The following DMPK variants were observed in gnomAD, a reference collection of about 807,000 sequenced individuals.
DMPK encodes myotonin-protein kinase.
A neutral mutation model predicts 70.3 loss-of-function variants in DMPK; 32 were observed. That is an observed-to-expected ratio of 0.46 (90% confidence interval 0.34 to 0.61). DMPK has a LOEUF of 0.61. Ranked by LOEUF, DMPK falls within the 20% of genes least tolerant of loss-of-function variation. The pLI, the probability that DMPK is intolerant of heterozygous loss-of-function variation, is 0.01. For missense variants in DMPK, 899 were observed against 886.0 expected (o/e 1.01, Z -0.19); for synonymous variants, 469 against 390.9 (o/e 1.20, Z -2.36).
chr19:45,770,283 C>G lies in DMPK; in HGVS notation c.*205G>C. The G allele has an allele frequency of 1.2e-6, 1 of 863,306 alleles. No individual in the cohort carries two copies. The allele number at this position is 863,306 out of a possible 1,614,324, so 53.5% of individuals were successfully genotyped here. ...GCAGCAGCATTCCCGGCTACAAGGA[C>G]CCTTCGAGCCCCGTTCGCCGGCCGC... On this transcript the variant is annotated 3_prime_UTR_variant, in exon 15 of 15. Transcript: ENST00000291270.
Position 45,769,878 on chromosome 19 carries a change from T to G in DMPK, c.*610A>C. On this transcript the variant is annotated 3_prime_UTR_variant, in exon 15 of 15. Transcript: ENST00000291270. ...CCTGTCAGCGAGTCGGAGGACGAGG[T>G]CAATAAATATCCAAACCGCCGAAGC... 1 of 252,728 alleles carries G rather than the reference T, an allele frequency of 4.0e-6. No homozygotes were observed. The highest frequency in any genetic ancestry group is 7.9e-6 in the Non-Finnish European group (1 of 127,272). 15.7% of individuals were successfully genotyped at this position (252,728 alleles called of 1,614,324 possible).
intron 1 of DMPK, 139 bp from the exon 2 acceptor site, chr19:45,780,008 T>C: frequency 6.4e-7 from 1 of 1,554,986 alleles, no homozygotes; most frequent in Non-Finnish European, 8.7e-7. Flanking sequence ...TCCCAGGGGC[T>C]TCCCCACATA....
rs767581710 is a variant in DMPK, at chr19:45,769,991, T to G, written c.*497A>C. The G allele has an allele frequency of 2.6e-5, 8 of 307,866 alleles. No individual in the cohort carries two copies. The highest frequency in any genetic ancestry group is 1.5e-4 in the South Asian group (4 of 26,296). 19.1% of individuals were successfully genotyped at this position (307,866 alleles called of 1,614,324 possible). On this transcript the variant is annotated 3_prime_UTR_variant, in exon 15 of 15. Coordinates refer to ENST00000291270, the MANE Select transcript of DMPK (RefSeq NM_004409.5). ...AAAAGCGGGTTTGGCAAAAGCAAAT[T>G]TCCCGAGTAAGCAGGCAGAGATCGC... is the stretch of plus-strand genomic sequence containing the variant.
rs1332944414 is a variant in DMPK at position 45,772,223 on chromosome 19, CACG to C, written c.1345-298_1345-296del. 4.8e-4 allele frequency: 212 copies of C among 440,372 alleles called. 4 individuals are homozygous for C. The East Asian group carries it at 8.1e-3, about 17-fold the overall frequency. 27.3% of individuals were successfully genotyped at this position (440,372 alleles called of 1,614,324 possible). ...AATCCCTCCAGCTCCCTAATGCCCT[CACG>C]ACAAAAGGCCTTGCTGGGTTTTGTT... On this transcript the variant is annotated intron_variant, in intron 10 of 14. Coordinates refer to ENST00000291270, the MANE Select transcript of DMPK (RefSeq NM_004409.5).
chr19:45,780,398 G>C, intron 1 of DMPK: 1 of 1,422,514 alleles, frequency 7.0e-7, no homozygotes, highest in South Asian at 1.2e-5. Flanking sequence ...GAAGGAACAG[G>C]ACAGGGAGAC....
chr19:45,771,296 G>A (rs569628728), intron 13 of DMPK, 54 bp downstream of exon 13: 25 of 1,550,274 alleles, frequency 1.6e-5, no homozygotes, highest in African/African-American at 5.5e-5. Context: ...AGCCAGGGAG[G>A]GGATCTGCAG....
At position 45,774,044 on chromosome 19, in the gene DMPK, C is replaced by T. The variant is rs7257693; in HGVS notation, c.1232+905G>A. ...CGATCTCAGCTCACCACAACCTCCC[C>T]CTCCTGGGTTCTGATTCTCCTGCCT... On this transcript the variant is annotated intron_variant, in intron 9 of 14. Transcript: ENST00000291270. Among the ~76,000 whole-genome samples, 3 of 151,566 alleles carry T rather than the reference C, an allele frequency of 2.0e-5. No homozygotes were observed. The South Asian group carries it at 6.3e-4, about 32-fold the overall frequency.
At chr19:45,772,619 C>T in intron 10 of DMPK, 22 bp downstream of exon 10, 2 of 1,499,514 alleles carry the variant, frequency 1.3e-6, no homozygotes, top group African/African-American at 1.4e-5. Context: ...CCTGACGGAC[C>T]CCCTCCCCTC....
Position 45,777,620 on chromosome 19 carries a change from G to A in DMPK, c.883-30C>T, listed in dbSNP as rs1175773491. Reference sequence around the variant, plus strand: ...TCAGAGGGAGAGGAGGCGATAGCCTGGGAGCGCCTACCGGGAGAGGCCAGG... The same window carrying A: ...TCAGAGGGAGAGGAGGCGATAGCCTAGGAGCGCCTACCGGGAGAGGCCAGG... On this transcript the variant is annotated intron_variant, in intron 7 of 14. Coordinates refer to ENST00000291270, the MANE Select transcript of DMPK (RefSeq NM_004409.5). The surrounding 1 kb of genome is among the most constrained non-coding windows in gnomAD (Gnocchi z 6.7). 1 of 1,612,788 alleles carries A rather than the reference G, an allele frequency of 6.2e-7. No individual in the cohort carries two copies. The highest frequency in any genetic ancestry group is 2.2e-5 in the East Asian group (1 of 44,884).
At chr19:45,778,309 G>T in intron 5 of DMPK, 89 bp from the exon 6 acceptor site, 2 of 1,413,266 alleles carry the variant, frequency 1.4e-6, no homozygotes, top group Non-Finnish European at 2.0e-6. Context: ...TGCCACCTGG[G>T]ACCCCACTTC....
intron 9 of DMPK, 73 bp from the exon 10 acceptor site, chr19:45,772,825 C>T (rs1313561536): frequency 1.0e-5 from 9 of 872,548 alleles, no homozygotes; most frequent in East Asian, 3.2e-5. Context: ...AACTTCTGGC[C>T]TGTGGGTAGG....
chr19:45,778,253 T>C, intron 5 of DMPK, 33 bp from the exon 6 acceptor site: 5 of 1,583,542 alleles, frequency 3.2e-6, no homozygotes, highest in Non-Finnish European at 4.3e-6. Context: ...GTGGGATAAA[T>C]GAACCTCCCT....
At position 45,771,820 on chromosome 19, in the gene DMPK, G is replaced by A. The variant is rs987706871; in HGVS notation, c.1453C>T (p.Leu485=). ...LEEEVLTRQS[L]SREMEAIRTD... ...CGGATGGCCTCCATCTCCCGGCTCA[G>A]GCTCTGCCGGGTGAGCACCTCCTCC... Residue 485 remains leucine, a synonymous_variant, in exon 11 of 15, where the codon CTG becomes TTG. Coordinates refer to ENST00000291270, the MANE Select transcript of DMPK (RefSeq NM_004409.5). The A allele has an allele frequency of 5.1e-6, 8 of 1,570,502 alleles. No individual in the cohort carries two copies. Among genetic ancestry groups the A allele is most frequent in the Non-Finnish European group, 6.9e-6 (8 of 1,157,894 alleles).
In DMPK at chr19:45,779,537, G is replaced by A. The variant is rs770968394; in HGVS notation, c.253-15C>T. 3.0e-5 allele frequency: 49 copies of A among 1,613,638 alleles called. No individual in the cohort carries two copies. The South Asian group carries it at 3.6e-4, about 12-fold the overall frequency. On this transcript the variant is annotated splice_polypyrimidine_tract_variant and intron_variant, in intron 2 of 14. Coordinates refer to ENST00000291270, the MANE Select transcript of DMPK (RefSeq NM_004409.5). ...ACTACCGCTACCTGAGGTCGAGATA[G>A]TGAGACAGAGTGGAGACGGCGGGAA...
At position 45,772,725 on chromosome 19, in the gene DMPK, G is replaced by C; in HGVS notation, c.1260C>G (p.Pro420=). The C allele has an allele frequency of 6.6e-7, 1 of 1,511,882 alleles. No individual in the cohort carries two copies. The highest frequency in any genetic ancestry group is 8.8e-7 in the Non-Finnish European group (1 of 1,142,208). 93.7% of individuals were successfully genotyped at this position (1,511,882 alleles called of 1,614,324 possible). A position where few individuals can be genotyped will look rare whatever the true frequency, so the allele number is the denominator to read the frequency against. The part of the protein sequence containing the change: ...LRDSEVPGPT[P]MELEAEQLLE... ...GCAGCTGCTCGGCCTCCAGTTCCAT[G>C]GGTGTGGGGCCTGGGACCTCACTGT... Residue 420 remains proline (P), a synonymous_variant, in exon 10 of 15, where the codon CCC becomes CCG. Transcript: ENST00000291270.
At position 45,778,544 on chromosome 19, in the gene DMPK, G is replaced by C; in HGVS notation, c.530C>G (p.Ala177Gly). ...IPAEMARFYL[A>G]EIVMAIDSVH... ...CGAGTCTATGGCCATGACAATCTCC[G>C]CCAGGTAGAAGCGCGCCATCTCGGC... The change falls in exon 5 of 15, where the codon GCG becomes GGG. Residue 177 changes from alanine to glycine, a missense_variant. Ala to Gly is a moderately conservative substitution (Grantham distance 60). This residue lies in a region of DMPK where 195 missense variants were observed against 259.7 expected (regional missense o/e 0.75). Coordinates refer to ENST00000291270, the MANE Select transcript of DMPK (RefSeq NM_004409.5). 2 of 1,613,972 alleles carry C rather than the reference G, an allele frequency of 1.2e-6. No individual in the cohort carries two copies. The highest frequency in any genetic ancestry group is 1.7e-6 in the Non-Finnish European group (2 of 1,180,030).
At position 45,774,989 on chromosome 19, in the gene DMPK, G is replaced by T. The variant is rs1600428977; in HGVS notation, c.1192C>A (p.Leu398Met). The change falls in exon 9 of 15, where the codon CTG (leucine) becomes ATG (methionine). Residue 398 changes from leucine to methionine, a missense_variant. By Grantham distance (15) the Leu-to-Met change is conservative. Transcript: ENST00000291270. ...IREGAPLGVH[L>M]PFVGYSYSCM... ...GAGTAGGAGTAGCCCACAAAAGGCA[G>T]GTGGACCCCTAGCGGCGCACCTTCC... 2 of 1,614,032 alleles carry T rather than the reference G, an allele frequency of 1.2e-6. No individual in the cohort carries two copies. The highest frequency in any genetic ancestry group is 1.7e-6 in the Non-Finnish European group (2 of 1,180,022).
chr19:45,771,673 G>A lies in DMPK; in HGVS notation c.1503-8C>T, dbSNP rs111438673. 5.6e-6 allele frequency: 9 copies of A among 1,613,756 alleles called. No homozygotes were observed. Among genetic ancestry groups the A allele is most frequent in the African/African-American group, 1.3e-5 (1 of 74,928 alleles). ...TCTGCCTCGCGTAGTTGACTGTGGG[G>A]AGGTAAGGACGGTGAGTCCGTCCGG... On this transcript the variant is annotated splice_polypyrimidine_tract_variant and splice_region_variant and intron_variant, in intron 11 of 14. Coordinates refer to ENST00000291270, the MANE Select transcript of DMPK (RefSeq NM_004409.5).
chr19:45,774,864 G>A, intron 9 of DMPK, 85 bp downstream of exon 9: 1 of 1,074,316 alleles, frequency 9.3e-7, no homozygotes, highest in Admixed American at 1.8e-5. Flanking sequence ...GACTGATCCT[G>A]CAACTCCATT....
Sources: allele counts gnomAD v4.1 joint callset (sites outside exome capture counted in the v4.1 genomes callset), GRCh38; gene constraint gnomAD v4.1.1; regional missense constraint gnomAD v4.1.1; non-coding constraint Gnocchi (gnomAD v3.1); transcripts MANE v1.5; gene names NCBI Gene and HGNC (gene_info 2026-07-23, HGNC 2026-07-21).